The following SGCD variants were observed in gnomAD, a reference collection of about 807,000 sequenced individuals.
SGCD encodes the protein sarcoglycan delta.
Under a neutral mutation model 36.6 loss-of-function variants are expected in SGCD, and 18 were observed. That is an observed-to-expected ratio of 0.49 (90% CI 0.34 to 0.73). SGCD has a LOEUF of 0.73. Ranked by LOEUF, SGCD falls within the 30% of genes least tolerant of loss-of-function variation. The pLI is 0.01. For missense variants in SGCD, 387 were observed against 346.7 expected (o/e 1.12, Z -0.92); for synonymous variants, 133 against 130.6 (o/e 1.02, Z -0.12).
chr5:156,087,256 T>A (rs1761121411), intron 1 of SGCD, among the ~76,000 whole-genome samples: 1 of 152,176 alleles, frequency 6.6e-6, no homozygotes, highest in Admixed American at 6.5e-5. Flanking sequence ...TATTTAGGGC[T>A]AATGAGATAT....
intron 7 of SGCD, among the ~76,000 whole-genome samples, chr5:156,711,973 T>C (rs1279058970): frequency 2.0e-5 from 3 of 152,202 alleles, no homozygotes; most frequent in African/African-American, 7.2e-5. Flanking sequence ...TTAGACCACA[T>C]AGGCTAACTT....
intron 3 of SGCD, among the ~76,000 whole-genome samples, chr5:156,405,144 G>C (rs1312408728): frequency 6.6e-6 from 1 of 152,124 alleles, no homozygotes; most frequent in Non-Finnish European, 1.5e-5. Context: ...TAGCTTCTAG[G>C]ACCTAAGAGT....
chr5:155,873,012 G>A (rs1249648970), intron 1 of SGCD, among the ~76,000 whole-genome samples: 1 of 152,168 alleles, frequency 6.6e-6, no homozygotes, highest in Non-Finnish European at 1.5e-5. Context: ...CCAAGAACTT[G>A]CAGCTTCATC....
chr5:155,953,202 T>G (rs1212175222), intron 1 of SGCD, among the ~76,000 whole-genome samples: 1 of 152,134 alleles, frequency 6.6e-6, no homozygotes, highest in Non-Finnish European at 1.5e-5. Flanking sequence ...ACTTCCTGCC[T>G]TTTTAGGGAT....
chr5:155,924,098 G>A (rs1333148471), intron 1 of SGCD, among the ~76,000 whole-genome samples: 2 of 152,112 alleles, frequency 1.3e-5, no homozygotes, highest in Non-Finnish European at 2.9e-5. Flanking sequence ...TTATTCCATG[G>A]CAGTCTTACC....
In SGCD at chr5:156,056,659, A is replaced by AAAAAAAAAAAAACAAAAAAC. The variant is rs1330447322; in HGVS notation, c.-281-61213_-281-61212insAAAAAACAAAAAACAAAAAA. On this transcript the variant is annotated intron_variant, in intron 1 of 9. Transcript: ENST00000517913. ...CAAATTATCCTTAAAAAAAAAAAAA[A>AAAAAAAAAAAAACAAAAAAC]AAAAAACAGTCTCCAAATTTTCAGA... 1.4e-3 allele frequency among the ~76,000 whole-genome samples: 203 copies of AAAAAAAAAAAAACAAAAAAC among 141,914 alleles called. 5 individuals carry two copies. Among genetic ancestry groups the AAAAAAAAAAAAACAAAAAAC allele is most frequent in the African/African-American group, 5.0e-3 (196 of 38,830 alleles). 93.1% of individuals were successfully genotyped at this position (141,914 alleles called of 152,430 possible). A position where few individuals can be genotyped will look rare whatever the true frequency, so the allele number is the denominator to read the frequency against.
chr5:156,679,783 ACTTTT>A (rs912308880), intron 7 of SGCD, among the ~76,000 whole-genome samples: 2 of 151,982 alleles, frequency 1.3e-5, no homozygotes, highest in African/African-American at 4.8e-5. Flanking sequence ...TTTCTTCTCC[ACTTTT>A]CTTCTCCGCT....
chr5:156,429,732 G>C (rs946176143), intron 3 of SGCD, among the ~76,000 whole-genome samples: 4 of 151,922 alleles, frequency 2.6e-5, no homozygotes, highest in Non-Finnish European at 5.9e-5. Context: ...AATTCTCTCA[G>C]CATTTGTTTG....
intron 3 of SGCD, among the ~76,000 whole-genome samples, chr5:156,284,854 A>T (rs1381430881): frequency 1.3e-5 from 2 of 152,214 alleles, no homozygotes; most frequent in Admixed American, 6.5e-5. Context: ...AATAAAGGGT[A>T]TTCAATTAGT....
At chr5:155,766,401 G>C in the SGCD span, among the ~76,000 whole-genome samples, 3 of 152,098 alleles carry the variant, frequency 2.0e-5, no homozygotes, top group African/African-American at 7.2e-5. Flanking sequence ...GTGTTGGAGA[G>C]GGAAGGGGCC....
chr5:156,078,110 A>G lies in SGCD; in HGVS notation c.-281-39768A>G, dbSNP rs148771527. ...CCAAATCTAGGGAAGGTGGTAGAAG[A>G]GAAACTTTTCTGGCCTTATCTCTCT... On this transcript the variant is annotated intron_variant, in intron 1 of 9. Coordinates refer to the SGCD transcript ENST00000517913. Among the ~76,000 whole-genome samples the G allele has an allele frequency of 6.8e-4, 104 of 152,232 alleles. No homozygotes were observed. In the East Asian group the frequency reaches 6.9e-3, roughly 10 times the overall value.
At chr5:156,391,807 G>C (rs1771585899) in intron 3 of SGCD, among the ~76,000 whole-genome samples, 1 of 151,910 alleles carries the variant, frequency 6.6e-6, no homozygotes, top group South Asian at 2.1e-4. Context: ...AATTTTGCAG[G>C]GCAAAAAATA....
chr5:156,722,471 T>C (rs986548603), intron 7 of SGCD, among the ~76,000 whole-genome samples: 22 of 152,216 alleles, frequency 1.4e-4, no homozygotes, highest in African/African-American at 5.3e-4. Context: ...ATAAAGTCTA[T>C]ACAGCCACTA....
rs922417622 is a variant in SGCD at position 156,060,266 on chromosome 5, C to T, written c.-281-57612C>T. ...CAAACTGAGAGAGCCTTGAATGCCA[C>T]GCTAAGAAGTGTGGCTTTGAATTAT... On this transcript the variant is annotated intron_variant, in intron 1 of 9. Coordinates refer to the SGCD transcript ENST00000517913. 8.2e-5 allele frequency among the ~76,000 whole-genome samples: 12 copies of T among 146,104 alleles called. 2 individuals are homozygous for T. Among genetic ancestry groups the T allele is most frequent in the South Asian group, 2.2e-4 (1 of 4,646 alleles).
intron 4 of SGCD, among the ~76,000 whole-genome samples, chr5:156,567,066 G>A (rs1759510497): frequency 6.6e-6 from 1 of 152,106 alleles, no homozygotes; most frequent in African/African-American, 2.4e-5. Flanking sequence ...CTATACTTCA[G>A]AGCCATTCAG....
At chr5:156,688,074 C>T (rs575615490) in intron 7 of SGCD, among the ~76,000 whole-genome samples, 90 of 152,174 alleles carry the variant, frequency 5.9e-4, no homozygotes, top group African/African-American at 2.1e-3. Context: ...TTGTTTTTAA[C>T]TTCTAATTTC....
At chr5:156,606,922 C>G (rs1302325652) in intron 6 of SGCD, among the ~76,000 whole-genome samples, 8 of 152,092 alleles carry the variant, frequency 5.3e-5, no homozygotes, top group Non-Finnish European at 1.2e-4. Context: ...CTGAATTTGC[C>G]TATCAGCTTA....
At chr5:156,061,475 G>A (rs551402281) in intron 1 of SGCD, among the ~76,000 whole-genome samples, 1 of 146,024 alleles carries the variant, frequency 6.8e-6, no homozygotes, top group Non-Finnish European at 1.5e-5. Flanking sequence ...CTGGTATCCT[G>A]AAAACCAGGA....
chr5:155,833,688 C>G, the SGCD span, among the ~76,000 whole-genome samples: 1 of 152,238 alleles, frequency 6.6e-6, no homozygotes, highest in Non-Finnish European at 1.5e-5. Flanking sequence ...CTCAGGTGAG[C>G]AGCGGAAAGT....
Sources: gnomAD v4.1 joint callset for allele counts (sites outside exome capture counted in the v4.1 genomes callset) on GRCh38, gnomAD v4.1.1 for gene constraint, MANE v1.5 for transcripts, NCBI Gene and HGNC (gene_info 2026-07-23, HGNC 2026-07-21) for gene names.